Variants in KIAA1217 observed in about 807,000 individuals in gnomAD.
KIAA1217 encodes the protein KIAA1217.
Under a neutral mutation model 163.9 loss-of-function variants are expected in KIAA1217, and 88 were observed. The ratio of observed to expected loss-of-function variants is 0.54; its 90% confidence interval spans 0.45 to 0.64. KIAA1217 has a LOEUF of 0.64. Ranked by LOEUF, KIAA1217 falls within the 30% of genes least tolerant of loss-of-function variation. KIAA1217 has a pLI of 0.00. For missense variants in KIAA1217, 2,372 were observed against 2,475.0 expected (o/e 0.96, Z 0.88); for synonymous variants, 903 against 923.1 (o/e 0.98, Z 0.39).
intron 1 of KIAA1217, among the ~76,000 whole-genome samples, chr10:23,817,368 G>T (rs908315989): frequency 3.9e-5 from 6 of 152,138 alleles, no homozygotes; most frequent in African/African-American, 9.7e-5. Context: ...CATTGCAAGA[G>T]AAGTTTAAAG....
chr10:24,270,994 T>A (rs1054500835), intron 2 of KIAA1217, among the ~76,000 whole-genome samples: 8 of 152,220 alleles, frequency 5.3e-5, no homozygotes, highest in Non-Finnish European at 1.2e-4. Flanking sequence ...ACTGCCAGAT[T>A]TCTATGAGAA....
intron 1 of KIAA1217, among the ~76,000 whole-genome samples, chr10:23,819,220 C>T (rs904206927): frequency 6.6e-6 from 1 of 152,166 alleles, no homozygotes; most frequent in African/African-American, 2.4e-5. Context: ...TGATAAAAGA[C>T]TGCATTGTCC....
At chr10:24,519,865 GC>G (rs1173603317) in intron 10 of KIAA1217, among the ~76,000 whole-genome samples, 1 of 151,992 alleles carries the variant, frequency 6.6e-6, no homozygotes, top group Non-Finnish European at 1.5e-5. Flanking sequence ...TCCTCTGTTA[GC>G]CAGGCACAAT....
chr10:24,054,283 C>T (rs1010130901), intron 2 of KIAA1217, among the ~76,000 whole-genome samples: 3 of 152,116 alleles, frequency 2.0e-5, no homozygotes, highest in Non-Finnish European at 2.9e-5. Context: ...AAGTTGAATA[C>T]GTGGATCTAG....
At chr10:23,962,303 T>C (rs186265875) in intron 1 of KIAA1217, among the ~76,000 whole-genome samples, 6 of 152,344 alleles carry the variant, frequency 3.9e-5, no homozygotes, top group African/African-American at 1.2e-4. Flanking sequence ...AAAATAGGGG[T>C]ATATGAAGTA....
intron 17 of KIAA1217, 115 bp downstream of exon 17, chr10:24,537,008 T>C (rs1564889867): frequency 6.4e-6 from 8 of 1,243,858 alleles, no homozygotes; most frequent in Non-Finnish European, 8.9e-6. Context: ...TCTCTCTCTT[T>C]TTTTTAACTA....
At chr10:24,200,882 A>G (rs1186451947) in intron 2 of KIAA1217, among the ~76,000 whole-genome samples, 1 of 152,022 alleles carries the variant, frequency 6.6e-6, no homozygotes, top group Non-Finnish European at 1.5e-5. Flanking sequence ...TCCATTTTCC[A>G]CACCAGTTTG....
intron 2 of KIAA1217, among the ~76,000 whole-genome samples, chr10:24,311,930 C>T (rs2042750855): frequency 6.6e-6 from 1 of 152,168 alleles, no homozygotes; most frequent in Non-Finnish European, 1.5e-5. Flanking sequence ...TTTTGTAAGA[C>T]TCATGAACTC....
chr10:23,894,435 G>T (rs1422407604), intron 1 of KIAA1217, among the ~76,000 whole-genome samples: 1 of 147,288 alleles, frequency 6.8e-6, no homozygotes, highest in African/African-American at 2.5e-5. Context: ...ACTTACAAGG[G>T]ATGTGAAGGA....
intron 10 of KIAA1217, among the ~76,000 whole-genome samples, chr10:24,519,671 G>T (rs1368407508): frequency 2.6e-5 from 4 of 152,152 alleles, no homozygotes; most frequent in African/African-American, 9.7e-5. Flanking sequence ...AGCCCAAAAT[G>T]TCAAATGCTG....
At chr10:24,183,682 A>G (rs1312324878) in intron 2 of KIAA1217, among the ~76,000 whole-genome samples, 4 of 152,208 alleles carry the variant, frequency 2.6e-5, no homozygotes, top group African/African-American at 7.2e-5. Flanking sequence ...GGTTATTCTT[A>G]GCAGCGGGGA....
At chr10:24,392,180 A>T (rs985820118) in intron 3 of KIAA1217, among the ~76,000 whole-genome samples, 1 of 152,238 alleles carries the variant, frequency 6.6e-6, no homozygotes, top group South Asian at 2.1e-4. Context: ...AGACAAAAGA[A>T]GAAATGTAAG....
chr10:24,112,959 G>A lies in KIAA1217; in HGVS notation c.-171+105585G>A, dbSNP rs76608985. ...ATGCCATGTGAAAATAGAGGAGGCA[G>A]GGATTGGAGTGAGAAACCAAGGCCT... On this transcript the variant is annotated intron_variant, in intron 2 of 18. Coordinates refer to the KIAA1217 transcript ENST00000376462. Among the ~76,000 whole-genome samples the A allele has an allele frequency of 1.6e-3, 236 of 152,174 alleles. 3 individuals carry two copies. In the East Asian group the frequency reaches 0.028, roughly 18 times the overall value.
intron 5 of KIAA1217, among the ~76,000 whole-genome samples, chr10:24,472,777 T>A (rs2133049698): frequency 6.6e-6 from 1 of 152,302 alleles, no homozygotes; most frequent in East Asian, 1.9e-4. Flanking sequence ...CAGAAGTCCT[T>A]AATGGATTTT....
chr10:24,067,205 G>T (rs2060986273), intron 2 of KIAA1217, among the ~76,000 whole-genome samples: 1 of 152,158 alleles, frequency 6.6e-6, no homozygotes, highest in Non-Finnish European at 1.5e-5. Context: ...TTCCTTTGGA[G>T]GAGGAGAGGC....
At chr10:24,237,932 T>C (rs571378412) in intron 2 of KIAA1217, among the ~76,000 whole-genome samples, 81 of 152,310 alleles carry the variant, frequency 5.3e-4, no homozygotes, top group African/African-American at 8.4e-4. Flanking sequence ...TACAGAATCA[T>C]TGGAGGAGAG....
intron 2 of KIAA1217, among the ~76,000 whole-genome samples, chr10:24,175,576 T>C (rs911533258): frequency 1.3e-5 from 2 of 152,168 alleles, no homozygotes; most frequent in African/African-American, 4.8e-5. Flanking sequence ...TATTCCATTG[T>C]GTACGGAATT....
intron 2 of KIAA1217, among the ~76,000 whole-genome samples, chr10:24,360,849 T>G (rs1240498234): frequency 6.6e-6 from 1 of 152,148 alleles, no homozygotes; most frequent in Non-Finnish European, 1.5e-5. Flanking sequence ...AATCTCCTGT[T>G]TTTCTCCTGT....
chr10:23,762,841 A>G (rs1286809020), intron 1 of KIAA1217, among the ~76,000 whole-genome samples: 1 of 152,216 alleles, frequency 6.6e-6, no homozygotes, highest in Non-Finnish European at 1.5e-5. Flanking sequence ...CTGTTTGCAG[A>G]TGACATGATT....
Sources: gnomAD v4.1 joint callset for allele counts (sites outside exome capture counted in the v4.1 genomes callset) on GRCh38, gnomAD v4.1.1 for gene constraint, MANE v1.5 for transcripts, NCBI Gene and HGNC (gene_info 2026-07-23, HGNC 2026-07-21) for gene names.